RSPH9: variants seen among roughly 807,000 people sequenced by gnomAD.
RSPH9 encodes the protein radial spoke head protein 9 homolog.
Under a neutral mutation model 27.0 loss-of-function variants are expected in RSPH9, and 27 were observed. The observed-to-expected ratio is 1.00, with a 90% CI of 0.74 to 1.38. The LOEUF (loss-of-function observed/expected upper bound fraction) is 1.38, where lower values mean the gene tolerates loss of function less well. Ranked by LOEUF, RSPH9 falls within the 40% of genes most tolerant of loss-of-function variation. The probability of loss-of-function intolerance (pLI) is 0.00; values close to 1 mark genes in which losing one functional copy is unlikely to be tolerated. For missense variants in RSPH9, 347 were observed against 357.4 expected, an observed-to-expected ratio of 0.97 and a Z score of 0.24; for synonymous variants, 145 against 147.7, an observed-to-expected ratio of 0.98 and a Z score of 0.13.
chr6:43,668,603 C>A (rs1040521425), intron 4 of RSPH9, among the ~76,000 whole-genome samples: 5 of 152,210 alleles, frequency 3.3e-5, no homozygotes, highest in East Asian at 1.9e-4. Context: ...CAAGAGGTGG[C>A]CAAAGCCTAG....
Position 43,671,263 on chromosome 6 carries a change from T to G in RSPH9, c.*314T>G. ...GGCAAGTGTGTCAGGCAGCCCACCT[T>G]GGCTCCCTGCAGCTCTCCCACAGTA... is the stretch of plus-strand genomic sequence containing the variant. On this transcript the variant is annotated 3_prime_UTR_variant, in exon 5 of 5. Coordinates refer to ENST00000372163, the MANE Select transcript of RSPH9 (RefSeq NM_152732.5). The G allele has an allele frequency of 2.0e-6, 1 of 501,268 alleles. No homozygotes were observed. Among genetic ancestry groups the G allele is most frequent in the East Asian group, 3.6e-5 (1 of 27,564 alleles). The allele number at this position is 501,268 out of a possible 1,614,324, so 31.1% of individuals were successfully genotyped here. A position where few individuals can be genotyped will look rare whatever the true frequency, so the allele number is the denominator to read the frequency against.
chr6:43,656,274 C>T lies in RSPH9; in HGVS notation c.524-303C>T, dbSNP rs1009048140. On this transcript the variant is annotated intron_variant, in intron 3 of 4. Transcript: ENST00000372163. Reference sequence around the variant, plus strand: ...CTAATTTTTGTATTTTTAGTAGAGACGGGGTTTTGCCATGTTGGCCAGGCT... The same window carrying T: ...CTAATTTTTGTATTTTTAGTAGAGATGGGGTTTTGCCATGTTGGCCAGGCT... Among the ~76,000 whole-genome samples, 5 of 152,152 alleles carry T rather than the reference C, an allele frequency of 3.3e-5. 1 individual carries two copies. Among genetic ancestry groups the T allele is most frequent in the African/African-American group, 4.8e-5 (2 of 41,510 alleles).
At chr6:43,668,632 G>A (rs924422267) in intron 4 of RSPH9, among the ~76,000 whole-genome samples, 6 of 152,234 alleles carry the variant, frequency 3.9e-5, no homozygotes, top group African/African-American at 1.4e-4. Context: ...GCTGGTGTGA[G>A]GGCAGGGCAG....
intron 2 of RSPH9, among the ~76,000 whole-genome samples, chr6:43,651,750 T>C (rs1490776514): frequency 6.6e-6 from 1 of 152,106 alleles, no homozygotes; most frequent in Non-Finnish European, 1.5e-5. Context: ...GGTTTTACCA[T>C]GTTGGCCAGG....
chr6:43,654,769 G>A (rs1771837225), intron 2 of RSPH9, among the ~76,000 whole-genome samples: 1 of 152,200 alleles, frequency 6.6e-6, no homozygotes, highest in Non-Finnish European at 1.5e-5. Flanking sequence ...ATTGCAGTGA[G>A]CTGAGATCCC....
At chr6:43,668,363 T>C (rs538997303) in intron 4 of RSPH9, among the ~76,000 whole-genome samples, 1 of 152,242 alleles carries the variant, frequency 6.6e-6, no homozygotes, top group Non-Finnish European at 1.5e-5. Context: ...GTGACAGGAA[T>C]GCGAGGGAGG....
chr6:43,653,904 T>C (rs9472099), intron 2 of RSPH9, among the ~76,000 whole-genome samples: 9,246 of 152,122 alleles, frequency 0.061, 954 homozygotes, highest in African/African-American at 0.21. Flanking sequence ...GTTGGTCAGG[T>C]TGGTCTCAAA....
intron 4 of RSPH9, among the ~76,000 whole-genome samples, chr6:43,665,282 G>A (rs1773030906): frequency 6.6e-6 from 1 of 152,242 alleles, no homozygotes; most frequent in Non-Finnish European, 1.5e-5. Flanking sequence ...GGACCCTGGA[G>A]GCAGCTGTCT....
chr6:43,653,971 C>T (rs961323911), intron 2 of RSPH9, among the ~76,000 whole-genome samples: 2 of 152,156 alleles, frequency 1.3e-5, no homozygotes, highest in African/African-American at 4.8e-5. Context: ...GGATTACAGG[C>T]GTGAGCCACC....
At chr6:43,661,567 A>G (rs1772620316) in intron 4 of RSPH9, among the ~76,000 whole-genome samples, 3 of 148,248 alleles carry the variant, frequency 2.0e-5, no homozygotes, top group South Asian at 2.2e-4. Flanking sequence ...AGGCTGAGGC[A>G]GGAGAATTGC....
At chr6:43,650,859 C>T (rs528352167) in intron 2 of RSPH9, among the ~76,000 whole-genome samples, 4 of 149,382 alleles carry the variant, frequency 2.7e-5, no homozygotes, top group East Asian at 2.0e-4. Flanking sequence ...GAGCTGAGAT[C>T]GCGCCACTGC....
intron 4 of RSPH9, among the ~76,000 whole-genome samples, chr6:43,659,943 C>A (rs1055409578): frequency 6.6e-6 from 1 of 151,314 alleles, no homozygotes; most frequent in Non-Finnish European, 1.5e-5. Flanking sequence ...ACCAAGTTGT[C>A]CAGGCTGCTC....
chr6:43,657,486 A>T (rs1772150860), intron 4 of RSPH9, among the ~76,000 whole-genome samples: 2 of 152,228 alleles, frequency 1.3e-5, no homozygotes, highest in Non-Finnish European at 2.9e-5. Context: ...GTTAAACCCA[A>T]GGACACAGTA....
At chr6:43,660,993 ATCAGGGC>A (rs1772555847) in intron 4 of RSPH9, among the ~76,000 whole-genome samples, 1 of 152,200 alleles carries the variant, frequency 6.6e-6, no homozygotes, top group Admixed American at 6.5e-5. Flanking sequence ...GTACATCTCC[ATCAGGGC>A]TCTTGTACAT....
intron 4 of RSPH9, among the ~76,000 whole-genome samples, chr6:43,660,180 T>A (rs1446825890): frequency 6.6e-6 from 1 of 151,226 alleles, no homozygotes; most frequent in African/African-American, 2.4e-5. Flanking sequence ...AGTAGCTGGA[T>A]TACAGGCATG....
At chr6:43,650,075 C>T (rs1013339750) in intron 1 of RSPH9, among the ~76,000 whole-genome samples, 8 of 151,928 alleles carry the variant, frequency 5.3e-5, no homozygotes, top group African/African-American at 1.5e-4. Context: ...CACCATGCCC[C>T]GCTAATTTTT....
At chr6:43,646,848 C>T (rs533746488) in intron 1 of RSPH9, among the ~76,000 whole-genome samples, 12 of 150,122 alleles carry the variant, frequency 8.0e-5, no homozygotes, top group South Asian at 6.3e-4. Flanking sequence ...CCTAGCTACT[C>T]GGGAGGCTGA....
intron 4 of RSPH9, chr6:43,666,351 A>T (rs917577217): frequency 1.0e-5 from 12 of 1,195,814 alleles, no homozygotes; most frequent in Non-Finnish European, 1.3e-5. Flanking sequence ...GTTCCCTGGG[A>T]CACCAGGACT....
chr6:43,648,183 C>A (rs1771083528), intron 1 of RSPH9, among the ~76,000 whole-genome samples: 1 of 151,910 alleles, frequency 6.6e-6, no homozygotes, highest in Admixed American at 6.6e-5. Flanking sequence ...GCAGGAGAAT[C>A]GCCTGAACCC....
Sources: gnomAD v4.1 joint callset for allele counts (sites outside exome capture counted in the v4.1 genomes callset) on GRCh38, gnomAD v4.1.1 for gene constraint, MANE v1.5 for transcripts, NCBI Gene and HGNC (gene_info 2026-07-23, HGNC 2026-07-21) for gene names.